The following TRAPPC10 variants were observed in gnomAD, a reference collection of about 807,000 sequenced individuals.
TRAPPC10 encodes the protein trafficking protein particle complex subunit 10.
Under a neutral mutation model 125.5 loss-of-function variants are expected in TRAPPC10, and 23 were observed. That is an observed-to-expected ratio of 0.18 (90% CI 0.13 to 0.26). TRAPPC10 has a LOEUF of 0.26. TRAPPC10 is among the 10% of genes least tolerant of loss of function. The pLI, the probability that TRAPPC10 is intolerant of heterozygous loss-of-function variation, is 1.00. For synonymous variants in TRAPPC10, 509 were observed against 518.0 expected (o/e 0.98, Z 0.24); for missense variants, 1,123 against 1,308.4 (o/e 0.86, Z 2.19).
At chr21:44,079,739 AT>A (rs764218081) in intron 12 of TRAPPC10, 35 bp downstream of exon 12, 29 of 1,591,244 alleles carry the variant, frequency 1.8e-5, no homozygotes, top group Non-Finnish European at 2.5e-5. Context: ...CAGGAAAATT[AT>A]TTTCTGTTTA....
chr21:44,020,142 A>T (rs1438834149), intron 1 of TRAPPC10, among the ~76,000 whole-genome samples: 25 of 142,098 alleles, frequency 1.8e-4, no homozygotes, highest in Non-Finnish European at 3.6e-4. Context: ...TTTTTTTGAG[A>T]CAGAGTCTCG....
chr21:44,076,579 A>G lies in TRAPPC10; in HGVS notation c.1328A>G (p.Lys443Arg). ...AACACAGCTCAGAGTCCTTATAAGA[A>G]ACTGAAAGAAGCATTATCGTCAGTG... The part of the protein sequence containing the change: ...TANTAQSPYK[K>R]LKEALSSVEA... The change falls in exon 10 of 23, where the codon AAA becomes AGA. Residue 443 changes from lysine to arginine, a missense_variant. By Grantham distance (26) the Lys-to-Arg change is conservative. Transcript: ENST00000291574. The G allele has an allele frequency of 6.2e-7, 1 of 1,614,170 alleles. No individual in the cohort carries two copies. Among genetic ancestry groups the G allele is most frequent in the South Asian group, 1.1e-5 (1 of 91,084 alleles).
intron 6 of TRAPPC10, among the ~76,000 whole-genome samples, chr21:44,060,624 A>G (rs912122289): frequency 6.7e-6 from 1 of 148,182 alleles, no homozygotes; most frequent in Non-Finnish European, 1.5e-5. Context: ...TTTTTGAGAC[A>G]GTGTCTCACT....
chr21:44,042,848 T>C (rs1237780568), intron 3 of TRAPPC10, among the ~76,000 whole-genome samples: 3 of 152,328 alleles, frequency 2.0e-5, no homozygotes, highest in South Asian at 2.1e-4. Context: ...GAGTGAAATA[T>C]GTCATTTACA....
At chr21:44,048,797 G>GTTTTTTTTTTTTTTTTTT in intron 3 of TRAPPC10, among the ~76,000 whole-genome samples, 1 of 105,612 alleles carries the variant, frequency 9.5e-6, no homozygotes, top group Non-Finnish European at 1.9e-5. Context: ...CCCACCCTGT[G>GTTTTTTTTTTTTTTTTTT]TTTTTTTTTT....
Position 44,059,025 on chromosome 21 carries a change from T to TAATGG in TRAPPC10, c.679-78_679-77insAATGG. 8.5e-7 allele frequency: 1 copy of TAATGG among 1,174,528 alleles called. No individual in the cohort carries two copies. The highest frequency in any genetic ancestry group is 1.5e-5 in the South Asian group (1 of 65,138). 72.8% of individuals were successfully genotyped at this position (1,174,528 alleles called of 1,614,324 possible). On this transcript the variant is annotated intron_variant, in intron 5 of 22. Coordinates refer to ENST00000291574, the MANE Select transcript of TRAPPC10 (RefSeq NM_003274.5). This position sits in a 1 kb window ranked among gnomAD's most constrained non-coding sequence, Gnocchi z 4.4. ...TAGTGCTGCGTGCCTTTCTCTGTCG[T>TAATGG]TTAATGGCTACATACTGTTTCTTCT... is the stretch of plus-strand genomic sequence containing the variant.
chr21:44,055,603 AG>A (rs1432079624), intron 4 of TRAPPC10, 94 bp from the exon 5 acceptor site: 1 of 942,524 alleles, frequency 1.1e-6, no homozygotes, highest in African/African-American at 1.7e-5. Context: ...AGGAGGAGGA[AG>A]GAAGAAAATT....
chr21:44,012,623 G>A, intron 1 of TRAPPC10, 63 bp downstream of exon 1: 1 of 1,422,198 alleles, frequency 7.0e-7, no homozygotes, highest in Non-Finnish European at 9.6e-7. Context: ...CTGGCGTTAT[G>A]CACCCGGCGC....
At chr21:44,016,789 G>T (rs1171088970) in intron 1 of TRAPPC10, among the ~76,000 whole-genome samples, 1 of 152,146 alleles carries the variant, frequency 6.6e-6, no homozygotes, top group Non-Finnish European at 1.5e-5. Context: ...CTTCCGAGTA[G>T]CTGGGACTAC....
chr21:44,031,454 G>T (rs888541817), intron 1 of TRAPPC10, among the ~76,000 whole-genome samples: 1 of 152,200 alleles, frequency 6.6e-6, no homozygotes, highest in African/African-American at 2.4e-5. Flanking sequence ...AAAGTCGGCC[G>T]CAGCTGGATT....
intron 7 of TRAPPC10, among the ~76,000 whole-genome samples, chr21:44,069,736 C>T (rs945602795): frequency 2.6e-5 from 4 of 152,116 alleles, no homozygotes; most frequent in African/African-American, 4.8e-5. Flanking sequence ...GAGCTGCAAA[C>T]GGGGAAGAAC....
At position 44,082,747 on chromosome 21, in the gene TRAPPC10, G is replaced by A; in HGVS notation, c.1724-41G>A. 1 of 1,604,924 alleles carries A rather than the reference G, an allele frequency of 6.2e-7. No individual in the cohort carries two copies. The highest frequency in any genetic ancestry group is 8.5e-7 in the Non-Finnish European group (1 of 1,173,742). On this transcript the variant is annotated intron_variant, in intron 13 of 22. Transcript: ENST00000291574. This position sits in a 1 kb window ranked among gnomAD's most constrained non-coding sequence, Gnocchi z 4.4. ...GCCTGCTGCTGCTTACTGTCAGGAA[G>A]TGTGACTTGGGGAGTCACTTACGAT...
chr21:44,062,450 C>A, intron 6 of TRAPPC10: 2 of 691,636 alleles, frequency 2.9e-6, no homozygotes, highest in Non-Finnish European at 3.6e-6. Flanking sequence ...GCCATTGGAG[C>A]TTAGATAGGG....
chr21:44,087,072 GTCTGGAGTCCGTGTTCCA>G lies in TRAPPC10; in HGVS notation c.2539+114_2539+131del. ...ATCCTGCTGAGCGCCCCTCAACAGT[GTCTGGAGTCCGTGTTCCA>G]TAGGAGCCCTGCGGCCTGATGCCTG... On this transcript the variant is annotated intron_variant, in intron 16 of 22. Transcript: ENST00000291574. This position sits in a 1 kb window ranked among gnomAD's most constrained non-coding sequence, Gnocchi z 4.6. The G allele has an allele frequency of 7.9e-7, 1 of 1,261,068 alleles. No homozygotes were observed. Among genetic ancestry groups the G allele is most frequent in the Admixed American group, 2.3e-5 (1 of 43,706 alleles). 78.1% of individuals were successfully genotyped at this position (1,261,068 alleles called of 1,614,324 possible). A position where few individuals can be genotyped will look rare whatever the true frequency, so the allele number is the denominator to read the frequency against.
At chr21:44,013,027 G>C (rs1238351850) in intron 1 of TRAPPC10, among the ~76,000 whole-genome samples, 1 of 152,204 alleles carries the variant, frequency 6.6e-6, no homozygotes, top group Non-Finnish European at 1.5e-5. Context: ...AGTAGGAACA[G>C]TTTGTTGCGG....
chr21:44,068,811 A>G (rs1421140193), intron 7 of TRAPPC10, among the ~76,000 whole-genome samples: 1 of 152,108 alleles, frequency 6.6e-6, no homozygotes, highest in African/African-American at 2.4e-5. Context: ...TATGTTGCCC[A>G]GGCTGGTCTT....
intron 5 of TRAPPC10, 77 bp downstream of exon 5, chr21:44,055,970 T>G: frequency 2.3e-6 from 3 of 1,316,924 alleles, no homozygotes; most frequent in East Asian, 2.3e-5. Flanking sequence ...CCTCCTTTCT[T>G]TCTAAGTAAG....
intron 1 of TRAPPC10, among the ~76,000 whole-genome samples, chr21:44,024,034 C>T (rs563625553): frequency 4.6e-5 from 7 of 152,368 alleles, no homozygotes; most frequent in African/African-American, 1.4e-4. Flanking sequence ...GATCCACCCA[C>T]CTTGGCCTCC....
intron 3 of TRAPPC10, among the ~76,000 whole-genome samples, chr21:44,046,019 C>G (rs2034778748): frequency 6.6e-6 from 1 of 151,508 alleles, no homozygotes; most frequent in African/African-American, 2.4e-5. Context: ...GAGAGGAAAT[C>G]ATGTTTGTAC....
Sources: allele counts gnomAD v4.1 joint callset (sites outside exome capture counted in the v4.1 genomes callset), GRCh38; gene constraint gnomAD v4.1.1; non-coding constraint Gnocchi (gnomAD v3.1); transcripts MANE v1.5; gene names NCBI Gene and HGNC (gene_info 2026-07-23, HGNC 2026-07-21).